Variants in DCLK2 observed in about 807,000 individuals in gnomAD.
DCLK2 encodes the protein serine/threonine-protein kinase DCLK2.
Under a neutral mutation model 78.4 loss-of-function variants are expected in DCLK2, and 31 were observed. The observed-to-expected ratio is 0.40, with a 90% CI of 0.30 to 0.53. The LOEUF is 0.53. Among genes scored for constraint, DCLK2 ranks in the 20% least tolerant of loss-of-function variants. The pLI, the probability that DCLK2 is intolerant of heterozygous loss-of-function variation, is 0.61. For synonymous variants in DCLK2, 407 were observed against 374.9 expected (o/e 1.09, Z -0.99); for missense variants, 872 against 973.7 (o/e 0.90, Z 1.39).
intron 2 of DCLK2, among the ~76,000 whole-genome samples, chr4:150,184,153 T>A (rs1467231305): frequency 6.6e-6 from 1 of 152,246 alleles, no homozygotes; most frequent in Non-Finnish European, 1.5e-5. Context: ...GTGCTCAGTC[T>A]GGTGAGAGGT....
intron 5 of DCLK2, among the ~76,000 whole-genome samples, chr4:150,216,874 C>A (rs1560878793): frequency 6.6e-6 from 1 of 152,082 alleles, no homozygotes; most frequent in Non-Finnish European, 1.5e-5. Flanking sequence ...CTGTTAAATA[C>A]AATGCTGTCT....
chr4:150,230,917 C>T (rs1742001543), intron 8 of DCLK2, among the ~76,000 whole-genome samples: 1 of 152,190 alleles, frequency 6.6e-6, no homozygotes, highest in South Asian at 2.1e-4. Flanking sequence ...TCAAAGACTT[C>T]CTAGCCCTGT....
intron 2 of DCLK2, among the ~76,000 whole-genome samples, chr4:150,186,146 G>A (rs1737911877): frequency 6.6e-6 from 1 of 152,134 alleles, no homozygotes; most frequent in Admixed American, 6.5e-5. Flanking sequence ...GAATTTAGAA[G>A]CAAACAGTAA....
rs545520540 is a variant in DCLK2, at chr4:150,134,388, G to C, written c.756+31576G>C. Among the ~76,000 whole-genome samples, 5 of 152,094 alleles carry C rather than the reference G, an allele frequency of 3.3e-5. No individual in the cohort carries two copies. The South Asian group carries it at 1.0e-3, about 32-fold the overall frequency. On this transcript the variant is annotated intron_variant, in intron 2 of 15. Coordinates refer to ENST00000296550, the MANE Select transcript of DCLK2 (RefSeq NM_001040260.4). ...TGAGCCACCATGCCTGGCCATTTTTGTGTATAAACTCTTAAAATGTTATGG... is the reference window on the plus strand; with the variant it reads ...TGAGCCACCATGCCTGGCCATTTTTCTGTATAAACTCTTAAAATGTTATGG...
chr4:150,081,453 TTATC>T (rs1455085551), intron 1 of DCLK2, among the ~76,000 whole-genome samples: 1 of 152,156 alleles, frequency 6.6e-6, no homozygotes, highest in African/African-American at 2.4e-5. Context: ...GGAAAAAACA[TTATC>T]TATGGAGTCC....
chr4:150,235,683 G>T (rs1742447205), intron 10 of DCLK2, among the ~76,000 whole-genome samples: 1 of 152,130 alleles, frequency 6.6e-6, no homozygotes, highest in African/African-American at 2.4e-5. Context: ...AGATCACTTG[G>T]CAGTTTCTAG....
intron 2 of DCLK2, among the ~76,000 whole-genome samples, chr4:150,160,786 T>A (rs1173067027): frequency 6.6e-6 from 1 of 152,142 alleles, no homozygotes; most frequent in African/African-American, 2.4e-5. Flanking sequence ...CTCCGGATAT[T>A]TGGAAACATT....
At chr4:150,240,316 A>G (rs1466339992) in intron 11 of DCLK2, 83 bp from the exon 12 acceptor site, 17 of 1,130,480 alleles carry the variant, frequency 1.5e-5, no homozygotes, top group Non-Finnish European at 1.6e-5. Flanking sequence ...CCTTTTCCTA[A>G]CAAATAAAGG....
At chr4:150,096,046 T>C (rs1358095870) in intron 1 of DCLK2, among the ~76,000 whole-genome samples, 1 of 152,196 alleles carries the variant, frequency 6.6e-6, no homozygotes, top group Non-Finnish European at 1.5e-5. Flanking sequence ...AAATATACAT[T>C]TTTTAAAAAC....
rs1399529002 is a variant in DCLK2 at position 150,195,259 on chromosome 4, A to T, written c.859+2019A>T. On this transcript the variant is annotated intron_variant, in intron 3 of 15. Transcript: ENST00000296550. Reference sequence around the variant, plus strand: ...AACAATATTATATATTATATATTATATTATATATTATATATTATATTATAT... The same window carrying T: ...AACAATATTATATATTATATATTATTTTATATATTATATATTATATTATAT... 4.1e-3 allele frequency among the ~76,000 whole-genome samples: 20 copies of T among 4,858 alleles called. 7 individuals carry two copies. The highest frequency in any genetic ancestry group is 7.8e-3 in the African/African-American group (16 of 2,054). 3.2% of individuals were successfully genotyped at this position (4,858 alleles called of 152,430 possible).
chr4:150,254,513 G>GA, intron 15 of DCLK2: 1 of 398,764 alleles, frequency 2.5e-6, no homozygotes, highest in Non-Finnish European at 4.4e-6. Context: ...GAGAAAAGGA[G>GA]AAATAACGGG....
chr4:150,182,601 CT>C (rs1737613963), intron 2 of DCLK2, among the ~76,000 whole-genome samples: 1 of 152,058 alleles, frequency 6.6e-6, no homozygotes, highest in Non-Finnish European at 1.5e-5. Flanking sequence ...TTCTTTACAT[CT>C]TTAAAAAGTT....
intron 2 of DCLK2, among the ~76,000 whole-genome samples, chr4:150,126,511 G>A (rs1038438697): frequency 6.6e-6 from 1 of 152,214 alleles, no homozygotes; most frequent in Non-Finnish European, 1.5e-5. Flanking sequence ...ATTCCAGGCC[G>A]TGGAGTAATA....
In DCLK2 at chr4:150,079,039, C is replaced by T. The variant is rs1275230833; in HGVS notation, c.12C>T (p.Thr4=). 6.5e-7 allele frequency: 1 copy of T among 1,541,694 alleles called. No individual in the cohort carries two copies. Among genetic ancestry groups the T allele is most frequent in the Non-Finnish European group, 8.7e-7 (1 of 1,149,422 alleles). Residue 4 remains threonine, a synonymous_variant, in exon 1 of 16, where the codon ACC becomes ACT. Coordinates refer to ENST00000296550, the MANE Select transcript of DCLK2 (RefSeq NM_001040260.4). MAS[T]RSIELEHFEE... is the part of the protein sequence containing the mutation. ...TCGGAGCAGCCGCGATGGCCAGCACCAGGAGTATCGAGCTGGAGCACTTTG... is the reference window on the plus strand; with the variant it reads ...TCGGAGCAGCCGCGATGGCCAGCACTAGGAGTATCGAGCTGGAGCACTTTG...
At chr4:150,147,595 T>C (rs1223429193) in intron 2 of DCLK2, among the ~76,000 whole-genome samples, 1 of 152,246 alleles carries the variant, frequency 6.6e-6, no homozygotes, top group African/African-American at 2.4e-5. Flanking sequence ...GTGACCACTG[T>C]CATTCCTTAT....
At chr4:150,178,680 A>C (rs1737266878) in intron 2 of DCLK2, among the ~76,000 whole-genome samples, 4 of 152,230 alleles carry the variant, frequency 2.6e-5, no homozygotes, top group Admixed American at 2.6e-4. Context: ...TTTGGACTCT[A>C]ATCTACTCAC....
At chr4:150,246,652 A>T (rs1386111342) in intron 12 of DCLK2, among the ~76,000 whole-genome samples, 3 of 143,538 alleles carry the variant, frequency 2.1e-5, no homozygotes, top group Non-Finnish European at 4.6e-5. Flanking sequence ...GCTGTTCCTC[A>T]CTCTAGCCAT....
At chr4:150,182,200 C>A (rs60502732) in intron 2 of DCLK2, among the ~76,000 whole-genome samples, 3,087 of 152,124 alleles carry the variant, frequency 0.02, 92 homozygotes, top group African/African-American at 0.066. Flanking sequence ...TTGTGCATCA[C>A]CACGCCCAGC....
At chr4:150,125,804 T>C (rs1732882828) in intron 2 of DCLK2, among the ~76,000 whole-genome samples, 1 of 151,866 alleles carries the variant, frequency 6.6e-6, no homozygotes, top group Admixed American at 6.6e-5. Flanking sequence ...GGCAGAAGAC[T>C]CACTTGAACC....
Sources: allele counts gnomAD v4.1 joint callset (sites outside exome capture counted in the v4.1 genomes callset), GRCh38; gene constraint gnomAD v4.1.1; transcripts MANE v1.5; gene names NCBI Gene and HGNC (gene_info 2026-07-23, HGNC 2026-07-21).